FAT2: variants seen among roughly 807,000 people sequenced by gnomAD.
The protein encoded by FAT2 is FAT atypical cadherin 2.
Under a neutral mutation model 295.3 loss-of-function variants are expected in FAT2, and 150 were observed. The observed-to-expected ratio is 0.51, with a 90% confidence interval of 0.44 to 0.58. FAT2 has a LOEUF of 0.58. FAT2 is among the 20% of genes least tolerant of loss of function. The probability of loss-of-function intolerance (pLI) is 0.00; values close to 1 mark genes in which losing one functional copy is unlikely to be tolerated. For synonymous variants in FAT2, 2,026 were observed against 2,150.3 expected (o/e 0.94, Z 1.60); for missense variants, 4,868 against 5,442.7 (o/e 0.89, Z 3.32).
At chr5:151,537,220 A>AGGG (rs1554127668) in intron 12 of FAT2, among the ~76,000 whole-genome samples, 1 of 150,894 alleles carries the variant, frequency 6.6e-6, no homozygotes, top group Admixed American at 6.6e-5. Context: ...AGGAAGAAGA[A>AGGG]GAGGAGGAGG....
In FAT2 at chr5:151,584,098, G is replaced by A. The variant is rs535921778; in HGVS notation, c.-21+7067C>T. On this transcript the variant is annotated intron_variant, in intron 1 of 23. Transcript: ENST00000261800. ...AAGAAGACATTAAAATAATAAAAGC[G>A]TTTGGACTACCTGCAAATTGCATAG... 5.3e-5 allele frequency among the ~76,000 whole-genome samples: 8 copies of A among 151,074 alleles called. No individual in the cohort carries two copies. In the East Asian group the frequency reaches 9.7e-4, roughly 18 times the overall value.
intron 2 of FAT2, among the ~76,000 whole-genome samples, chr5:151,564,676 T>G (rs751014136): frequency 1.3e-5 from 2 of 152,200 alleles, no homozygotes; most frequent in African/African-American, 4.8e-5. Context: ...TCCTTGAAAC[T>G]TAAAAAAAGG....
chr5:151,543,991 A>T lies in FAT2; in HGVS notation c.7136T>A (p.Phe2379Tyr). The T allele has an allele frequency of 1.2e-6, 2 of 1,614,158 alleles. No individual in the cohort carries two copies. The highest frequency in any genetic ancestry group is 1.7e-6 in the Non-Finnish European group (2 of 1,180,026). Residue 2379 changes from phenylalanine to tyrosine, a missense_variant, in exon 10 of 24, where the codon TTC (phenylalanine) becomes TAC (tyrosine). Physicochemically the swap from Phe to Tyr is conservative, Grantham distance 22. Transcript: ENST00000261800. ...VSDINDNPPE[F>Y]RQPQYEANVS... The stretch of plus-strand genomic sequence containing the variant: ...ATTGGCTTCATATTGAGGTTGTCTG[A>T]ACTCTGGGGGGTTGTCATTGATATC...
intron 10 of FAT2, 122 bp downstream of exon 10, chr5:151,542,163 T>C (rs1756215823): frequency 1.1e-6 from 1 of 887,504 alleles, no homozygotes; most frequent in Non-Finnish European, 1.7e-6. Context: ...GGGGGTTAAG[T>C]GTGCCCAAGG....
chr5:151,553,432 C>A (rs775953968), intron 5 of FAT2, 45 bp from the exon 6 acceptor site: 11 of 1,568,398 alleles, frequency 7.0e-6, no homozygotes, highest in Non-Finnish European at 9.6e-6. Flanking sequence ...GGCCAAGAGA[C>A]AGGAAGACCC....
In FAT2 at chr5:151,529,216, C is replaced by T. The variant is rs1023388773; in HGVS notation, c.9988G>A (p.Val3330Ile). Reference protein sequence around the residue: ...QFPQDPYSTRVLENALVGDVI... With the variant: ...QFPQDPYSTRILENALVGDVI... ...TCACCCACAAGGGCATTCTCTAAGA[C>T]CCTTGTGCTATATGGATCTTGGGGG... Residue 3330 changes from valine (V) to isoleucine (I), a missense_variant, in exon 15 of 24, where the codon GTC (valine) becomes ATC (isoleucine). Physicochemically the swap from Val to Ile is conservative, Grantham distance 29. Coordinates refer to ENST00000261800, the MANE Select transcript of FAT2 (RefSeq NM_001447.3). 6.2e-7 allele frequency: 1 copy of T among 1,614,042 alleles called. No individual in the cohort carries two copies. Among genetic ancestry groups the T allele is most frequent in the Non-Finnish European group, 8.5e-7 (1 of 1,180,028 alleles).
Position 151,512,002 on chromosome 5 carries a change from C to G in FAT2, c.11905+163G>C, listed in dbSNP as rs1261672902. 1.1e-5 allele frequency: 7 copies of G among 636,856 alleles called. No individual in the cohort carries two copies. In the East Asian group the frequency reaches 1.9e-4, roughly 18 times the overall value. The allele number at this position is 636,856 out of a possible 1,614,324, so 39.5% of individuals were successfully genotyped here. A position where few individuals can be genotyped will look rare whatever the true frequency, so the allele number is the denominator to read the frequency against. ...GAGGGAAGGAAGACTCCTGGCTTCCCCTAGTCTAGATATTGCAGATTCCAA... is the reference window on the plus strand; with the variant it reads ...GAGGGAAGGAAGACTCCTGGCTTCCGCTAGTCTAGATATTGCAGATTCCAA... On this transcript the variant is annotated intron_variant, in intron 21 of 23. Coordinates refer to ENST00000261800, the MANE Select transcript of FAT2 (RefSeq NM_001447.3). This position sits in a 1 kb window ranked among gnomAD's most constrained non-coding sequence, Gnocchi z 4.1.
At chr5:151,574,708 A>G (rs1758677108) in intron 1 of FAT2, among the ~76,000 whole-genome samples, 1 of 152,228 alleles carries the variant, frequency 6.6e-6, no homozygotes, top group Non-Finnish European at 1.5e-5. Context: ...CACCAGCTCT[A>G]TTGGTTTAAG....
chr5:151,546,379 A>G (rs978303483), intron 9 of FAT2, 42 bp from the exon 10 acceptor site: 1 of 1,485,872 alleles, frequency 6.7e-7, no homozygotes, highest in South Asian at 1.2e-5. Context: ...CACACCCTCG[A>G]CAGGTATCAG....
intron 2 of FAT2, among the ~76,000 whole-genome samples, chr5:151,565,129 A>G (rs1758188966): frequency 6.6e-6 from 1 of 152,234 alleles, no homozygotes; most frequent in Admixed American, 6.5e-5. Context: ...GTAAAAGTAT[A>G]TAAATAAGAA....
chr5:151,592,122 G>A (rs948734039), upstream of FAT2, among the ~76,000 whole-genome samples: 6 of 152,160 alleles, frequency 3.9e-5, no homozygotes, highest in African/African-American at 7.2e-5. Flanking sequence ...CCTTGGCTTT[G>A]ATGCGTTTTA....
At position 151,543,000 on chromosome 5, in the gene FAT2, T is replaced by C. The variant is rs568301068; in HGVS notation, c.8127A>G (p.Glu2709=). ...CTGCCACTGCTTTAACAATCCCAAT[T>C]TCAGACCCCTCTGGAAGGTCTTCAG... ...SAPEDLPEGS[E]IGIVKAVAAQ... Residue 2709 remains glutamate, a synonymous_variant, in exon 10 of 24, where the codon GAA becomes GAG. Transcript: ENST00000261800. The C allele has an allele frequency of 1.1e-4, 170 of 1,614,158 alleles. 3 individuals carry two copies. In the South Asian group the frequency reaches 1.4e-3, roughly 13 times the overall value.
chr5:151,560,534 C>G (rs953108510), intron 3 of FAT2, among the ~76,000 whole-genome samples: 1 of 152,206 alleles, frequency 6.6e-6, no homozygotes, highest in Non-Finnish European at 1.5e-5. Context: ...CTCCCACCCT[C>G]CAGCTCAGCA....
At chr5:151,579,101 A>G (rs1218725377) in intron 1 of FAT2, among the ~76,000 whole-genome samples, 1 of 152,190 alleles carries the variant, frequency 6.6e-6, no homozygotes, top group African/African-American at 2.4e-5. Context: ...GGGAGGCAAA[A>G]TAGGAATTCT....
intron 1 of FAT2, among the ~76,000 whole-genome samples, chr5:151,576,104 A>G (rs1051268903): frequency 6.6e-6 from 1 of 152,208 alleles, no homozygotes; most frequent in African/African-American, 2.4e-5. Context: ...AGGACTACAC[A>G]TACTATTAAA....
rs1756391033 is a variant in FAT2 at position 151,543,919 on chromosome 5, G to A, written c.7208C>T (p.Ala2403Val). 1 of 1,614,040 alleles carries A rather than the reference G, an allele frequency of 6.2e-7. No homozygotes were observed. The highest frequency in any genetic ancestry group is 8.5e-7 in the Non-Finnish European group (1 of 1,180,038). Residue 2403 changes from alanine to valine, a missense_variant, in exon 10 of 24, where the codon GCT becomes GTT. By Grantham distance (64) the Ala-to-Val change is moderately conservative. Transcript: ENST00000261800. ...GGTGTCTCTGCTGTCAGGGTCAATAGCCTGGACTTTAAGAACCAGGTGTCC... is the reference window on the plus strand; with the variant it reads ...GGTGTCTCTGCTGTCAGGGTCAATAACCTGGACTTTAAGAACCAGGTGTCC... ...TCGHLVLKVQAIDPDSRDTSR... is the reference protein window; with the variant it reads ...TCGHLVLKVQVIDPDSRDTSR...
In FAT2 at chr5:151,537,928, C is replaced by T. The variant is rs1187851110; in HGVS notation, c.9058G>A (p.Val3020Ile). 1.2e-6 allele frequency: 2 copies of T among 1,614,002 alleles called. No homozygotes were observed. Among genetic ancestry groups the T allele is most frequent in the South Asian group, 2.2e-5 (2 of 91,038 alleles). ...TGTCCTGGAAATACATCTTCATGAACCTTGCCAGTATAGAGAAGCTAGAGA... is the reference window on the plus strand; with the variant it reads ...TGTCCTGGAAATACATCTTCATGAATCTTGCCAGTATAGAGAAGCTAGAGA... ...QCSQLLYTGK[V>I]HEDVFPGHFI... The change falls in exon 12 of 24, where the codon GTT becomes ATT. Residue 3020 changes from valine to isoleucine, a missense_variant. Around this residue, in one of 5 missense-constraint regions of FAT2, gnomAD observed 1,046 missense variants for 1,210.1 expected, o/e 0.86. Coordinates refer to ENST00000261800, the MANE Select transcript of FAT2 (RefSeq NM_001447.3).
At chr5:151,533,582 A>G (rs984763088) in intron 13 of FAT2, among the ~76,000 whole-genome samples, 3 of 152,130 alleles carry the variant, frequency 2.0e-5, no homozygotes, top group African/African-American at 7.2e-5. Flanking sequence ...GCTGGTGTCA[A>G]ACAGAGCAGG....
Position 151,542,413 on chromosome 5 carries a change from C to T in FAT2, c.8714G>A (p.Arg2905Gln), listed in dbSNP as rs201081583. 249 of 1,614,148 alleles carry T rather than the reference C, an allele frequency of 1.5e-4. 1 individual carries two copies. The highest frequency in any genetic ancestry group is 9.9e-4 in the Middle Eastern group (6 of 6,062). ...TCCTCTGTACTCTTCAGAAGCAAAT[C>T]GGGGAGCATTGTCATTCTCATCTGT... ...SITDENDNAP[R>Q]FASEEYRGSV... The change falls in exon 10 of 24, where the codon CGA becomes CAA. Residue 2905 changes from arginine (R) to glutamine (Q), a missense_variant. Physicochemically the swap from Arg to Gln is conservative, Grantham distance 43. Coordinates refer to ENST00000261800, the MANE Select transcript of FAT2 (RefSeq NM_001447.3).
Sources: gnomAD v4.1 joint callset for allele counts (sites outside exome capture counted in the v4.1 genomes callset) on GRCh38, gnomAD v4.1.1 for gene constraint, gnomAD v4.1.1 regional missense constraint, Gnocchi (gnomAD v3.1) non-coding constraint, MANE v1.5 for transcripts, NCBI Gene and HGNC (gene_info 2026-07-23, HGNC 2026-07-21) for gene names.